CBLN4: variants seen among roughly 807,000 people sequenced by gnomAD.
CBLN4 encodes the protein cerebellin 4 precursor.
In CBLN4, 7 loss-of-function variants were observed where a neutral mutation model predicts 14.9. That is an observed-to-expected ratio of 0.47 (90% CI 0.27 to 0.88). The LOEUF (loss-of-function observed/expected upper bound fraction) is 0.88. CBLN4 is among the 40% of genes least tolerant of loss of function. The pLI is 0.14. For missense variants in CBLN4, 188 were observed against 256.8 expected (o/e 0.73, Z 1.83); for synonymous variants, 131 against 116.5 (o/e 1.12, Z -0.80).
Position 56,005,370 on chromosome 20 carries a change from C to T in CBLN4, c.-1199G>A, listed in dbSNP as rs1000223400. The stretch of plus-strand genomic sequence containing the variant: ...CAAGCGGAGCGCGGCGCTGCCAGGC[C>T]GGGTCGCGAAAAAGGATAAGCCGCC... On this transcript the variant is annotated 5_prime_UTR_variant, in exon 1 of 3. Coordinates refer to ENST00000064571, the MANE Select transcript of CBLN4 (RefSeq NM_080617.6). 1.3e-5 allele frequency: 2 copies of T among 152,246 alleles called. No homozygotes were observed. Among genetic ancestry groups the T allele is most frequent in the Non-Finnish European group, 2.9e-5 (2 of 68,072 alleles). The allele number at this position is 152,246 out of a possible 1,614,324, so 9.4% of individuals were successfully genotyped here. A position where few individuals can be genotyped will look rare whatever the true frequency, so the allele number is the denominator to read the frequency against.
chr20:56,002,649 C>T (rs373385884), intron 1 of CBLN4, among the ~76,000 whole-genome samples: 1 of 152,166 alleles, frequency 6.6e-6, no homozygotes. Context: ...AGGGGTGGTG[C>T]TAGACTTTAT....
At position 56,004,047 on chromosome 20, in the gene CBLN4, A is replaced by G; in HGVS notation, c.125T>C (p.Val42Ala). ...CGTGGCCGGGTTCGAGTCGCACACC[A>G]CCAGACACTTGCCCTCCAGCACGAT... ...EPIVLEGKCL[V>A]VCDSNPATDS... The change falls in exon 1 of 3, where the codon GTG (valine) becomes GCG (alanine). Residue 42 changes from valine (V) to alanine (A), a missense_variant. By Grantham distance (64) the Val-to-Ala change is moderately conservative (BLOSUM62 0). Coordinates refer to ENST00000064571, the MANE Select transcript of CBLN4 (RefSeq NM_080617.6). The surrounding 1 kb of genome is among the most constrained non-coding windows in gnomAD (Gnocchi z 6.1). The G allele has an allele frequency of 1.2e-6, 2 of 1,613,758 alleles. No homozygotes were observed. Among genetic ancestry groups the G allele is most frequent in the Non-Finnish European group, 8.5e-7 (1 of 1,179,932 alleles).
At position 55,998,450 on chromosome 20, in the gene CBLN4, A is replaced by G. The variant is rs769784564; in HGVS notation, c.*107T>C. 1.9e-4 allele frequency: 238 copies of G among 1,264,024 alleles called. 2 individuals carry two copies. The highest frequency in any genetic ancestry group is 2.9e-5 in the Non-Finnish European group (26 of 894,064). 78.3% of individuals were successfully genotyped at this position (1,264,024 alleles called of 1,614,324 possible). A position where few individuals can be genotyped will look rare whatever the true frequency, so the allele number is the denominator to read the frequency against. On this transcript the variant is annotated 3_prime_UTR_variant, in exon 3 of 3. Coordinates refer to ENST00000064571, the MANE Select transcript of CBLN4 (RefSeq NM_080617.6). Reference sequence around the variant, plus strand: ...GAATCCTTAGAATCCATATCCACCCATGAGAAACCAATAAAAGACATCAAT... The same window carrying G: ...GAATCCTTAGAATCCATATCCACCCGTGAGAAACCAATAAAAGACATCAAT...
chr20:56,000,308 T>C (rs900746155), intron 2 of CBLN4, among the ~76,000 whole-genome samples: 2 of 152,228 alleles, frequency 1.3e-5, no homozygotes, highest in Non-Finnish European at 2.9e-5. Context: ...TAGCTGTATC[T>C]CATAATTTTA....
chr20:56,000,982 T>G, intron 1 of CBLN4, 135 bp from the exon 2 acceptor site: 1 of 440,528 alleles, frequency 2.3e-6, no homozygotes, highest in South Asian at 5.8e-5. Flanking sequence ...TCCTCTTTCT[T>G]TCTTTTCTTT....
chr20:56,003,607 T>G (rs1261979336), intron 1 of CBLN4, among the ~76,000 whole-genome samples: 1 of 152,098 alleles, frequency 6.6e-6, no homozygotes, highest in East Asian at 1.9e-4. Context: ...AAACTTGCCC[T>G]GAGCTCTCGC....
intron 1 of CBLN4, among the ~76,000 whole-genome samples, chr20:56,001,667 A>G (rs994057445): frequency 2.6e-5 from 4 of 152,166 alleles, no homozygotes; most frequent in African/African-American, 9.7e-5. Context: ...CCTCCTATCA[A>G]TCACCTGCTC....
chr20:56,001,884 G>T (rs533885366), intron 1 of CBLN4, among the ~76,000 whole-genome samples: 1 of 152,134 alleles, frequency 6.6e-6, no homozygotes, highest in Non-Finnish European at 1.5e-5. Flanking sequence ...ATGGAGGATG[G>T]ATGTTAAAAT....
At chr20:56,003,254 CG>C (rs1986405079) in intron 1 of CBLN4, among the ~76,000 whole-genome samples, 1 of 152,178 alleles carries the variant, frequency 6.6e-6, no homozygotes, top group South Asian at 2.1e-4. Context: ...CTCTAAGTAC[CG>C]GAGAAGGGCT....
chr20:56,000,725 A>T lies in CBLN4; in HGVS notation c.408+6T>A. 6.7e-7 allele frequency: 1 copy of T among 1,502,644 alleles called. No individual in the cohort carries two copies. Among genetic ancestry groups the T allele is most frequent in the East Asian group, 2.4e-5 (1 of 41,660 alleles). The allele number at this position is 1,502,644 out of a possible 1,614,324, so 93.1% of individuals were successfully genotyped here. On this transcript the variant is annotated splice_donor_region_variant and intron_variant, in intron 2 of 2. Coordinates refer to ENST00000064571, the MANE Select transcript of CBLN4 (RefSeq NM_080617.6). ...GAGTATGGATGGAAGAGGTCAAAAC[A>T]CACACCTGGATAGTTTGGCTCTGGT...
intron 1 of CBLN4, among the ~76,000 whole-genome samples, chr20:56,001,244 C>G (rs1252275063): frequency 6.6e-6 from 1 of 152,186 alleles, no homozygotes; most frequent in Non-Finnish European, 1.5e-5. Flanking sequence ...TTAGCTTTAC[C>G]TTGAGAGTTG....
In CBLN4 at chr20:55,998,542, T is replaced by C. The variant is rs764213078; in HGVS notation, c.*15A>G. 1.7e-5 allele frequency: 28 copies of C among 1,613,868 alleles called. No individual in the cohort carries two copies. In the Admixed American group the frequency reaches 2.7e-4, roughly 15 times the overall value. Reference sequence around the variant, plus strand: ...TCATCCCTCACCTGGATGAACATCATGGAGAAATTGAATCCTATAGGGGGA... The same window carrying C: ...TCATCCCTCACCTGGATGAACATCACGGAGAAATTGAATCCTATAGGGGGA... On this transcript the variant is annotated 3_prime_UTR_variant, in exon 3 of 3. Coordinates refer to ENST00000064571, the MANE Select transcript of CBLN4 (RefSeq NM_080617.6).
Position 56,005,194 on chromosome 20 carries a change from T to C in CBLN4, c.-1023A>G, listed in dbSNP as rs1446555604. 2 of 152,752 alleles carry C rather than the reference T, an allele frequency of 1.3e-5. No homozygotes were observed. The highest frequency in any genetic ancestry group is 3.9e-4 in the East Asian group (2 of 5,186). The allele number at this position is 152,752 out of a possible 1,614,324, so 9.5% of individuals were successfully genotyped here. A position where few individuals can be genotyped will look rare whatever the true frequency, so the allele number is the denominator to read the frequency against. ...AGGCCCCTCAGCCCCTGAAAGCCCG[T>C]GGCGTAAAGGATGCGTGCCCAGAGA... On this transcript the variant is annotated 5_prime_UTR_variant, in exon 1 of 3. Transcript: ENST00000064571.
rs755758800 is a variant in CBLN4, at chr20:55,998,782, A to T, written c.409-28T>A. 37 of 1,564,910 alleles carry T rather than the reference A, an allele frequency of 2.4e-5. No homozygotes were observed. The Admixed American group carries it at 6.0e-4, about 25-fold the overall frequency. Reference sequence around the variant, plus strand: ...AGAAGAAGAAAAATAATAATAATTGAAAAGTTCTCTTTAAAGTCAAAACAT... The same window carrying T: ...AGAAGAAGAAAAATAATAATAATTGTAAAGTTCTCTTTAAAGTCAAAACAT... On this transcript the variant is annotated intron_variant, in intron 2 of 2. Coordinates refer to ENST00000064571, the MANE Select transcript of CBLN4 (RefSeq NM_080617.6).
rs942767244 is a variant in CBLN4, at chr20:56,003,931, G to C, written c.241C>G (p.His81Asp). 7 of 1,613,514 alleles carry C rather than the reference G, an allele frequency of 4.3e-6. No homozygotes were observed. The highest frequency in any genetic ancestry group is 5.9e-6 in the Non-Finnish European group (7 of 1,179,902). Residue 81 changes from histidine to aspartate, a missense_variant, in exon 1 of 3, where the codon CAC becomes GAC. His to Asp is a moderately conservative substitution (Grantham distance 81, BLOSUM62 -1). Around this residue, in one of 2 missense-constraint regions of CBLN4, gnomAD observed 93 missense variants for 157.7 expected, o/e 0.59. Transcript: ENST00000064571. ...VAFSAVRSTN[H>D]EPSEMSNKTR... ...TTGTTGCTCATCTCGGATGGCTCGT[G>C]GTTGGTGCTCCGCACCGCCGAGAAG...
In CBLN4 at chr20:55,998,655, C is replaced by T; in HGVS notation, c.508G>A (p.Asp170Asn). 6.2e-7 allele frequency: 1 copy of T among 1,614,154 alleles called. No homozygotes were observed. Among genetic ancestry groups the T allele is most frequent in the South Asian group, 1.1e-5 (1 of 91,072 alleles). The change falls in exon 3 of 3, where the codon GAT (aspartate) becomes AAT (asparagine). Residue 170 changes from aspartate to asparagine, a missense_variant. By Grantham distance (23) the Asp-to-Asn change is conservative. Coordinates refer to ENST00000064571, the MANE Select transcript of CBLN4 (RefSeq NM_080617.6). Reference sequence around the variant, plus strand: ...TTTAGGTAAACCTTATCCTCTTTATCTAGGTAGAGCAGGACACCATTCGTG... The same window carrying T: ...TTTAGGTAAACCTTATCCTCTTTATTTAGGTAGAGCAGGACACCATTCGTG... The part of the protein sequence containing the change: ...AATNGVLLYL[D>N]KEDKVYLKLE...
chr20:55,999,772 A>G (rs1341131949), intron 2 of CBLN4, among the ~76,000 whole-genome samples: 1 of 152,224 alleles, frequency 6.6e-6, no homozygotes, highest in Non-Finnish European at 1.5e-5. Flanking sequence ...ACTATTTTCT[A>G]TTCTTCAATT....
rs1347351645 is a variant in CBLN4, at chr20:56,005,039, T to C, written c.-868A>G. On this transcript the variant is annotated 5_prime_UTR_variant, in exon 1 of 3. Transcript: ENST00000064571. ...CGCAGCGTCCGGCTGGGTTGGCTTA[T>C]CGCGCAACCCGCGGGCTCCGAGAAA... The C allele has an allele frequency of 1.3e-5, 2 of 152,368 alleles. No individual in the cohort carries two copies. Among genetic ancestry groups the C allele is most frequent in the Non-Finnish European group, 2.9e-5 (2 of 68,162 alleles). The allele number at this position is 152,368 out of a possible 1,614,324, so 9.4% of individuals were successfully genotyped here.
chr20:56,004,251 G>T lies in CBLN4; in HGVS notation c.-80C>A. ...CTCCTACCCCGGGATCCCGGTGCTC[G>T]GGAAGATGCTAGCGGCTAGGTCGAC... On this transcript the variant is annotated 5_prime_UTR_variant, in exon 1 of 3. Coordinates refer to ENST00000064571, the MANE Select transcript of CBLN4 (RefSeq NM_080617.6). The surrounding 1 kb of genome is among the most constrained non-coding windows in gnomAD (Gnocchi z 6.1). The T allele has an allele frequency of 1.5e-6, 2 of 1,328,234 alleles. No individual in the cohort carries two copies. The highest frequency in any genetic ancestry group is 1.9e-6 in the Non-Finnish European group (2 of 1,031,536). The allele number at this position is 1,328,234 out of a possible 1,614,324, so 82.3% of individuals were successfully genotyped here.
Sources: allele counts gnomAD v4.1 joint callset (sites outside exome capture counted in the v4.1 genomes callset), GRCh38; gene constraint gnomAD v4.1.1; regional missense constraint gnomAD v4.1.1; non-coding constraint Gnocchi (gnomAD v3.1); transcripts MANE v1.5; gene names NCBI Gene and HGNC (gene_info 2026-07-23, HGNC 2026-07-21).